RRM2: variants seen among roughly 807,000 people sequenced by gnomAD.
RRM2 encodes ribonucleotide reductase regulatory subunit M2.
RRM2 carries 6 observed loss-of-function variants against 45.9 expected under a neutral mutation model. That is an observed-to-expected ratio of 0.13 (90% CI 0.07 to 0.26). RRM2 has a LOEUF of 0.26. RRM2 is among the 10% of genes least tolerant of loss of function. The pLI is 1.00. For missense variants in RRM2, 343 were observed against 489.5 expected (o/e 0.70, Z 2.82); for synonymous variants, 177 against 173.0 (o/e 1.02, Z -0.18).
At chr2:10,133,703 A>ATTTT (rs33987822), downstream of RRM2, among the ~76,000 whole-genome samples, 3 of 133,234 alleles carry the variant, frequency 2.3e-5, no homozygotes, top group African/African-American at 8.5e-5. Context: ...TGACATCAGG[A>ATTTT]TTTTTTTTTT....
chr2:10,182,527 A>C (rs1174042645), intron 3 of RRM2, among the ~76,000 whole-genome samples: 1 of 152,226 alleles, frequency 6.6e-6, no homozygotes, highest in African/African-American at 2.4e-5. Context: ...AAGTTGGGCT[A>C]AGAAGCTGGA....
chr2:10,156,209 C>T (rs1663421218), intron 3 of RRM2: 1 of 152,244 alleles, frequency 6.6e-6, no homozygotes, highest in African/African-American at 2.4e-5. Context: ...ACATAAAATA[C>T]ACTAACACTA....
intron 3 of RRM2, among the ~76,000 whole-genome samples, chr2:10,144,256 G>A (rs552977051): frequency 3.9e-5 from 6 of 152,332 alleles, no homozygotes; most frequent in South Asian, 2.1e-4. Flanking sequence ...AGGAGCCGGC[G>A]TCTGAGGCAT....
At chr2:10,201,940 G>A (rs910537464) in intron 3 of RRM2, among the ~76,000 whole-genome samples, 14 of 152,142 alleles carry the variant, frequency 9.2e-5, no homozygotes, top group Admixed American at 3.9e-4. Context: ...ATGTTAAACC[G>A]AATTAATAAA....
At chr2:10,155,030 A>T (rs1466003960) in intron 3 of RRM2, 1 of 177,850 alleles carries the variant, frequency 5.6e-6, no homozygotes. Context: ...AACATAGTTA[A>T]ATTGCTCTGT....
intron 2 of RRM2, 54 bp from the exon 3 acceptor site, chr2:10,123,333 T>G (rs990903875): frequency 1.9e-6 from 3 of 1,543,440 alleles, no homozygotes; most frequent in Non-Finnish European, 2.6e-6. Flanking sequence ...CAGAAAAACG[T>G]TAGTTTCATA....
At chr2:10,194,379 C>T (rs556533666) in intron 3 of RRM2, among the ~76,000 whole-genome samples, 7 of 152,322 alleles carry the variant, frequency 4.6e-5, no homozygotes, top group African/African-American at 1.2e-4. Flanking sequence ...TTGGTCCTGC[C>T]GTGCCTCCTC....
intron 3 of RRM2, among the ~76,000 whole-genome samples, chr2:10,166,571 C>A (rs998471485): frequency 6.6e-6 from 1 of 152,208 alleles, no homozygotes; most frequent in Non-Finnish European, 1.5e-5. Context: ...TTCCACACTG[C>A]CCCTGGGGGT....
At position 10,195,782 on chromosome 2, in the gene RRM2, T is replaced by G. The variant is rs1398373485; in HGVS notation, n.483-14529T>G. On this transcript the variant is annotated intron_variant and non_coding_transcript_variant, in intron 3 of 3. Transcript: ENST00000381786. The surrounding 1 kb of genome is among the most constrained non-coding windows in gnomAD (Gnocchi z 4.9). Reference sequence around the variant, plus strand: ...CTGTCACGGTGGTCCTGTGTAGGACTGGTTGCCACAGGTAAGTAGTGACCT... The same window carrying G: ...CTGTCACGGTGGTCCTGTGTAGGACGGGTTGCCACAGGTAAGTAGTGACCT... 6.6e-6 allele frequency among the ~76,000 whole-genome samples: 1 copy of G among 152,060 alleles called. No homozygotes were observed. The highest frequency in any genetic ancestry group is 2.4e-5 in the African/African-American group (1 of 41,388).
intron 4 of RRM2, 135 bp from the exon 5 acceptor site, chr2:10,124,582 T>C (rs6741290): frequency 0.54 from 510,971 of 945,494 alleles, 140,780 homozygotes; most frequent in Middle Eastern, 0.6. Context: ...TATCAAAGAA[T>C]TGTGACAAAT....
In RRM2 at chr2:10,193,642, G is replaced by A. The variant is rs556767748; in HGVS notation, n.483-16669G>A. 1.5e-4 allele frequency among the ~76,000 whole-genome samples: 23 copies of A among 152,290 alleles called. No individual in the cohort carries two copies. The South Asian group carries it at 3.1e-3, about 21-fold the overall frequency. ...ATCGCTGACTGCCTACCACACGCCC[G>A]GGGACCTCCTGGGCACCTGTCAGTC... On this transcript the variant is annotated intron_variant and non_coding_transcript_variant, in intron 3 of 3. Coordinates refer to the RRM2 transcript ENST00000381786.
intron 3 of RRM2, among the ~76,000 whole-genome samples, chr2:10,157,437 C>A (rs1558391224): frequency 1.3e-5 from 2 of 152,206 alleles, no homozygotes; most frequent in Non-Finnish European, 2.9e-5. Flanking sequence ...GTGAAGTCAG[C>A]CTCCAGATGG....
chr2:10,200,195 T>C (rs1451317451), intron 3 of RRM2, among the ~76,000 whole-genome samples: 2 of 152,156 alleles, frequency 1.3e-5, no homozygotes, highest in African/African-American at 4.8e-5. Flanking sequence ...CCTTTTAAGT[T>C]GGCTTCAAAA....
Position 10,153,039 on chromosome 2 carries a change from A to G in RRM2, n.482+10664A>G, listed in dbSNP as rs1041487594. 7.2e-5 allele frequency among the ~76,000 whole-genome samples: 11 copies of G among 152,160 alleles called. No homozygotes were observed. In the South Asian group the frequency reaches 2.3e-3, roughly 32 times the overall value. On this transcript the variant is annotated intron_variant and non_coding_transcript_variant, in intron 3 of 3. Coordinates refer to the RRM2 transcript ENST00000381786. The stretch of plus-strand genomic sequence containing the variant: ...AAACAACCTAGGTGTTGATGAATGA[A>G]GGGATCAAAGGGCCGGGTGTGGTGG...
chr2:10,190,211 G>A (rs1389692348), intron 3 of RRM2, among the ~76,000 whole-genome samples: 1 of 151,716 alleles, frequency 6.6e-6, no homozygotes, highest in African/African-American at 2.4e-5. Flanking sequence ...TACTGATGAT[G>A]GTGGAGATGA....
chr2:10,124,108 C>CTT (rs35723300), intron 4 of RRM2: 514 of 251,768 alleles, frequency 2.0e-3, no homozygotes, highest in South Asian at 5.9e-3. Flanking sequence ...TCTGCCCCCT[C>CTT]TTTTTTTTTT....
At chr2:10,168,199 A>G (rs1234411464) in intron 3 of RRM2, among the ~76,000 whole-genome samples, 3 of 151,604 alleles carry the variant, frequency 2.0e-5, no homozygotes, top group Admixed American at 6.6e-5. Flanking sequence ...GCTGAGCCCA[A>G]CCTCTCTCCC....
chr2:10,165,270 G>A (rs1209564398), intron 3 of RRM2, among the ~76,000 whole-genome samples: 1 of 152,200 alleles, frequency 6.6e-6, no homozygotes, highest in African/African-American at 2.4e-5. Flanking sequence ...TACCTTCATC[G>A]GAACACTTGC....
At chr2:10,166,060 G>C (rs1462106026) in intron 3 of RRM2, among the ~76,000 whole-genome samples, 1 of 152,228 alleles carries the variant, frequency 6.6e-6, no homozygotes, top group African/African-American at 2.4e-5. Context: ...GTCGTCACAG[G>C]GGCTCTGGAC....
Sources: allele counts gnomAD v4.1 joint callset (sites outside exome capture counted in the v4.1 genomes callset), GRCh38; gene constraint gnomAD v4.1.1; non-coding constraint Gnocchi (gnomAD v3.1); transcripts MANE v1.5; gene names NCBI Gene and HGNC (gene_info 2026-07-23, HGNC 2026-07-21).